The following RTN4 variants were observed in gnomAD, a reference collection of about 807,000 sequenced individuals.
RTN4 encodes reticulon-4.
In RTN4, 32 loss-of-function variants were observed where a neutral mutation model predicts 90.4. That is an observed-to-expected ratio of 0.35 (90% CI 0.27 to 0.48). RTN4 has a LOEUF of 0.48. RTN4 is among the 20% of genes least tolerant of loss of function. RTN4 has a pLI of 0.99. For synonymous variants in RTN4, 629 were observed against 552.5 expected, an observed-to-expected ratio of 1.14 and a Z score of -1.94; for missense variants, 1,706 against 1,430.2, an observed-to-expected ratio of 1.19 and a Z score of -3.11.
the RTN4 span, among the ~76,000 whole-genome samples, chr2:55,136,415 C>G: frequency 6.6e-6 from 1 of 152,220 alleles, no homozygotes; most frequent in East Asian, 1.9e-4. Context: ...TATAAAACCC[C>G]AAGTCAAAGG....
chr2:55,096,265 G>T (rs1308973951), intron 1 of RTN4, among the ~76,000 whole-genome samples: 1 of 151,976 alleles, frequency 6.6e-6, no homozygotes, highest in African/African-American at 2.4e-5. Flanking sequence ...GGCGGAGGTT[G>T]CTGTGAGCCA....
intron 1 of RTN4, among the ~76,000 whole-genome samples, chr2:55,032,263 A>G (rs1434986493): frequency 6.6e-6 from 1 of 152,096 alleles, no homozygotes; most frequent in Admixed American, 6.6e-5. Flanking sequence ...TGTTTTTAGT[A>G]GAGACGGGGT....
intron 6 of RTN4, chr2:54,974,190 A>T: frequency 3.6e-6 from 1 of 275,570 alleles, no homozygotes; most frequent in Non-Finnish European, 6.9e-6. Flanking sequence ...CTGGTTTATC[A>T]CTGTTTGTTA....
At chr2:55,130,354 G>A in the RTN4 span, among the ~76,000 whole-genome samples, 1 of 152,066 alleles carries the variant, frequency 6.6e-6, no homozygotes, top group Non-Finnish European at 1.5e-5. Context: ...AAATACATCT[G>A]GAAAAATACA....
chr2:55,097,451 A>T (rs1431668824), intron 1 of RTN4, among the ~76,000 whole-genome samples: 1 of 152,092 alleles, frequency 6.6e-6, no homozygotes, highest in Non-Finnish European at 1.5e-5. Flanking sequence ...ACTCTAAGAG[A>T]ATAATAGAAA....
intron 2 of RTN4, among the ~76,000 whole-genome samples, chr2:55,068,300 C>T (rs945153150): frequency 5.3e-5 from 8 of 152,150 alleles, no homozygotes; most frequent in African/African-American, 1.9e-4. Flanking sequence ...GATCTTTCAC[C>T]CATGCATCAT....
intron 3 of RTN4, among the ~76,000 whole-genome samples, chr2:54,998,240 AG>A (rs1195871895): frequency 3.5e-5 from 5 of 140,974 alleles, no homozygotes; most frequent in Non-Finnish European, 7.8e-5. Flanking sequence ...TTTTTTTGGG[AG>A]GGGGGTGAAG....
In RTN4 at chr2:55,050,336, G is replaced by C; in HGVS notation, c.-36C>G. 1 of 1,324,834 alleles carries C rather than the reference G, an allele frequency of 7.5e-7. No homozygotes were observed. The highest frequency in any genetic ancestry group is 9.8e-7 in the Non-Finnish European group (1 of 1,022,306). The allele number at this position is 1,324,834 out of a possible 1,614,324, so 82.1% of individuals were successfully genotyped here. On this transcript the variant is annotated 5_prime_UTR_variant, in exon 1 of 9. Coordinates refer to ENST00000337526, the MANE Select transcript of RTN4 (RefSeq NM_020532.5). This position sits in a 1 kb window ranked among gnomAD's most constrained non-coding sequence, Gnocchi z 4.6. ...TGGAGATGATGCTGCAGCTGCTGCC[G>C]CCGCCGCCGGGGCCGCGTCTCAGAG...
At chr2:55,124,794 C>T in the RTN4 span, among the ~76,000 whole-genome samples, 3 of 152,164 alleles carry the variant, frequency 2.0e-5, no homozygotes, top group Non-Finnish European at 4.4e-5. Flanking sequence ...GGAAGTATCA[C>T]ATTATGCAAG....
intron 3 of RTN4, among the ~76,000 whole-genome samples, chr2:55,015,379 A>G (rs1169525351): frequency 6.6e-6 from 1 of 152,232 alleles, no homozygotes; most frequent in Non-Finnish European, 1.5e-5. Context: ...AATTAAAACT[A>G]TAAGTAAATA....
At chr2:55,001,621 T>C (rs992001455) in intron 3 of RTN4, among the ~76,000 whole-genome samples, 28 of 152,294 alleles carry the variant, frequency 1.8e-4, no homozygotes, top group Admixed American at 1.0e-3. Context: ...CAGTGCAAAA[T>C]TGCAAATCTT....
chr2:55,079,728 C>G (rs555627146), intron 2 of RTN4, among the ~76,000 whole-genome samples: 2 of 152,166 alleles, frequency 1.3e-5, no homozygotes, highest in African/African-American at 2.4e-5. Context: ...CATGGGGCAA[C>G]AGTTCTGGAC....
At chr2:55,094,064 T>C (rs1668989472) in intron 1 of RTN4, among the ~76,000 whole-genome samples, 1 of 152,220 alleles carries the variant, frequency 6.6e-6, no homozygotes, top group African/African-American at 2.4e-5. Context: ...GACTGAATCA[T>C]GTTCCCCCAA....
At chr2:55,117,104 C>T (rs1236023031), upstream of RTN4, among the ~76,000 whole-genome samples, 1 of 152,134 alleles carries the variant, frequency 6.6e-6, no homozygotes, top group African/African-American at 2.4e-5. Flanking sequence ...GAACTCCTGA[C>T]CCCAAGTGAT....
chr2:54,984,497 G>A (rs748403441), intron 4 of RTN4, among the ~76,000 whole-genome samples: 5 of 152,152 alleles, frequency 3.3e-5, no homozygotes, highest in Non-Finnish European at 7.3e-5. Context: ...TATAACCCTG[G>A]TTGGTATTCT....
chr2:55,053,918 G>C (rs1434168792), upstream of RTN4, among the ~76,000 whole-genome samples: 2 of 152,064 alleles, frequency 1.3e-5, no homozygotes, highest in African/African-American at 2.4e-5. Context: ...TAAATAAAGT[G>C]TACATATGGA....
At chr2:55,129,038 G>T in the RTN4 span, among the ~76,000 whole-genome samples, 3 of 149,424 alleles carry the variant, frequency 2.0e-5, no homozygotes, top group Admixed American at 6.7e-5. Context: ...AAGCCAGGAG[G>T]TAGAGGTTGC....
At chr2:55,126,150 G>C in the RTN4 span, among the ~76,000 whole-genome samples, 4 of 151,710 alleles carry the variant, frequency 2.6e-5, no homozygotes, top group Non-Finnish European at 5.9e-5. Context: ...GATCACCTGA[G>C]GTCAAGAGTT....
chr2:55,024,519 T>C (rs1017434249), intron 3 of RTN4, among the ~76,000 whole-genome samples: 1 of 152,130 alleles, frequency 6.6e-6, no homozygotes, highest in African/African-American at 2.4e-5. Flanking sequence ...GGAAAATGGA[T>C]AGTCAAAAGA....
Sources: gnomAD v4.1 joint callset for allele counts (sites outside exome capture counted in the v4.1 genomes callset) on GRCh38, gnomAD v4.1.1 for gene constraint, Gnocchi (gnomAD v3.1) non-coding constraint, MANE v1.5 for transcripts, NCBI Gene and HGNC (gene_info 2026-07-23, HGNC 2026-07-21) for gene names.